The following ZFPM2 variants were observed in gnomAD, a reference collection of about 807,000 sequenced individuals.
The protein encoded by ZFPM2 is zinc finger protein ZFPM2.
Under a neutral mutation model 98.6 loss-of-function variants are expected in ZFPM2, and 20 were observed. That is an observed-to-expected ratio of 0.20 (90% CI 0.14 to 0.29). The LOEUF (loss-of-function observed/expected upper bound fraction) is 0.29. Among genes scored for constraint, ZFPM2 ranks in the 10% least tolerant of loss-of-function variants. The pLI, the probability that ZFPM2 is intolerant of heterozygous loss-of-function variation, is 1.00. For synonymous variants in ZFPM2, 518 were observed against 502.7 expected, an observed-to-expected ratio of 1.03 and a Z score of -0.41; for missense variants, 1,310 against 1,388.6, an observed-to-expected ratio of 0.94 and a Z score of 0.90.
At chr8:105,346,557 C>A (rs1423866405) in intron 1 of ZFPM2, among the ~76,000 whole-genome samples, 1 of 152,032 alleles carries the variant, frequency 6.6e-6, no homozygotes, top group Admixed American at 6.6e-5. Flanking sequence ...TATATGTGTG[C>A]AATACATATT....
At chr8:105,470,898 C>G (rs1812890246) in intron 3 of ZFPM2, among the ~76,000 whole-genome samples, 1 of 151,934 alleles carries the variant, frequency 6.6e-6, no homozygotes, top group African/African-American at 2.4e-5. Flanking sequence ...TTAAAAATTA[C>G]TAAATTCAAA....
rs550717864 is a variant in ZFPM2 at position 105,610,602 on chromosome 8, T to C, written c.421-23644T>C. ...TTGCATTAAACTCTCAAAGATGTTT[T>C]TGTTTTATATTGTATATTGGGGGCT... On this transcript the variant is annotated intron_variant, in intron 4 of 7. Coordinates refer to ENST00000407775, the MANE Select transcript of ZFPM2 (RefSeq NM_012082.4). 2.6e-5 allele frequency among the ~76,000 whole-genome samples: 4 copies of C among 152,330 alleles called. No homozygotes were observed. In the South Asian group the frequency reaches 8.3e-4, roughly 32 times the overall value.
chr8:105,706,742 G>C (rs1811272634), intron 5 of ZFPM2, among the ~76,000 whole-genome samples: 1 of 151,988 alleles, frequency 6.6e-6, no homozygotes, highest in Non-Finnish European at 1.5e-5. Flanking sequence ...ACCATGTCTG[G>C]CTAATTTTTG....
intron 5 of ZFPM2, among the ~76,000 whole-genome samples, chr8:105,751,394 A>T (rs1812471741): frequency 6.6e-6 from 1 of 152,118 alleles, no homozygotes; most frequent in Non-Finnish European, 1.5e-5. Flanking sequence ...GTCAGATTGT[A>T]ACGAATGTTT....
rs139795100 is a variant in ZFPM2 at position 105,450,089 on chromosome 8, T to C, written c.301+5708T>C. Among the ~76,000 whole-genome samples, 33 of 152,268 alleles carry C rather than the reference T, an allele frequency of 2.2e-4. No individual in the cohort carries two copies. In the East Asian group the frequency reaches 6.0e-3, roughly 28 times the overall value. ...CTAGGGCAAAATCAGACCTGTCTAC[T>C]TGTTGCATCTTGACTAAAAATTGGT... On this transcript the variant is annotated intron_variant, in intron 3 of 7. Transcript: ENST00000407775.
intron 3 of ZFPM2, among the ~76,000 whole-genome samples, chr8:105,544,366 C>T (rs1814646785): frequency 6.6e-6 from 1 of 152,106 alleles, no homozygotes; most frequent in African/African-American, 2.4e-5. Context: ...TCCTTACCCT[C>T]CCCTAATGAT....
chr8:105,487,921 TCTATCTATCTAG>T (rs1379597639), intron 3 of ZFPM2, among the ~76,000 whole-genome samples: 11 of 102,088 alleles, frequency 1.1e-4, no homozygotes, highest in African/African-American at 2.0e-4. Context: ...TATCTATCTA[TCTATCTATCTAG>T]CTAGCTAGCT....
At chr8:105,531,601 A>G (rs1179603123) in intron 3 of ZFPM2, among the ~76,000 whole-genome samples, 4 of 152,122 alleles carry the variant, frequency 2.6e-5, no homozygotes, top group Non-Finnish European at 5.9e-5. Context: ...AGGTATTGAG[A>G]GTTAGGATTT....
intron 3 of ZFPM2, among the ~76,000 whole-genome samples, chr8:105,448,477 T>G (rs568406388): frequency 2.2e-4 from 33 of 152,138 alleles, no homozygotes; most frequent in African/African-American, 6.7e-4. Context: ...TAAAAGCACT[T>G]GGGAGAAGTT....
chr8:105,794,010 C>A (rs1813709974), intron 6 of ZFPM2, among the ~76,000 whole-genome samples: 1 of 152,062 alleles, frequency 6.6e-6, no homozygotes, highest in Admixed American at 6.5e-5. Flanking sequence ...AACTTCTTTG[C>A]CTTTGGTTTT....
Position 105,444,349 on chromosome 8 carries a change from C to T in ZFPM2, c.269C>T (p.Pro90Leu), listed in dbSNP as rs200229868. 1.2e-6 allele frequency: 2 copies of T among 1,612,328 alleles called. No homozygotes were observed. Among genetic ancestry groups the T allele is most frequent in the African/African-American group, 2.7e-5 (2 of 75,022 alleles). The change falls in exon 3 of 8, where the codon CCT (proline) becomes CTT (leucine). Residue 90 changes from proline to leucine, a missense_variant. Transcript: ENST00000407775. ...ACACAGTCAGAGAAACCGGGGCAAC[C>T]TGGAGTTGAGACAGACGACTGGGAT... is the stretch of plus-strand genomic sequence containing the variant. ...GDTQSEKPGQ[P>L]GVETDDWDGP...
rs767103734 is a variant in ZFPM2 at position 105,495,574 on chromosome 8, A to G, written c.301+51193A>G. On this transcript the variant is annotated intron_variant, in intron 3 of 7. Coordinates refer to ENST00000407775, the MANE Select transcript of ZFPM2 (RefSeq NM_012082.4). The stretch of plus-strand genomic sequence containing the variant: ...GCTTGCTTGTTCCTGCCTTATAAAT[A>G]TCCATAGGTAGGAATTTATTTTATT... 1.9e-4 allele frequency among the ~76,000 whole-genome samples: 29 copies of G among 152,182 alleles called. 1 individual carries two copies. Among genetic ancestry groups the G allele is most frequent in the Non-Finnish European group, 3.5e-4 (24 of 68,024 alleles).
At chr8:105,774,820 A>G (rs867343542) in intron 5 of ZFPM2, among the ~76,000 whole-genome samples, 2 of 152,236 alleles carry the variant, frequency 1.3e-5, no homozygotes, top group Non-Finnish European at 2.9e-5. Context: ...ATTTCTTCTA[A>G]GAAAAGAATT....
intron 5 of ZFPM2, among the ~76,000 whole-genome samples, chr8:105,686,829 C>G (rs1164953205): frequency 6.6e-6 from 1 of 152,106 alleles, no homozygotes; most frequent in Non-Finnish European, 1.5e-5. Context: ...ACATCACATG[C>G]CTTTTAGTTT....
chr8:105,429,865 G>A (rs1448988326), intron 2 of ZFPM2, among the ~76,000 whole-genome samples: 1 of 152,060 alleles, frequency 6.6e-6, no homozygotes, highest in Non-Finnish European at 1.5e-5. Flanking sequence ...AAATTATGTA[G>A]TATGCATCTT....
At chr8:105,650,575 T>G (rs1350438697) in intron 5 of ZFPM2, among the ~76,000 whole-genome samples, 1 of 152,156 alleles carries the variant, frequency 6.6e-6, no homozygotes, top group Non-Finnish European at 1.5e-5. Flanking sequence ...TGGTATGTTG[T>G]GTCTTTGTTC....
At chr8:105,535,784 G>A (rs772702209) in intron 3 of ZFPM2, among the ~76,000 whole-genome samples, 9 of 152,174 alleles carry the variant, frequency 5.9e-5, no homozygotes, top group Non-Finnish European at 1.3e-4. Context: ...TCATAAGCAT[G>A]TTACATGGGA....
At chr8:105,653,698 A>G (rs749974585) in intron 5 of ZFPM2, among the ~76,000 whole-genome samples, 1 of 152,166 alleles carries the variant, frequency 6.6e-6, no homozygotes, top group Non-Finnish European at 1.5e-5. Context: ...TAACCTTGCT[A>G]CATAATGGTG....
At chr8:105,430,708 G>A (rs931024997) in intron 2 of ZFPM2, among the ~76,000 whole-genome samples, 4 of 152,126 alleles carry the variant, frequency 2.6e-5, no homozygotes, top group Non-Finnish European at 5.9e-5. Context: ...AATGCGTCTT[G>A]TGATAACTTA....
Sources: allele counts gnomAD v4.1 joint callset (sites outside exome capture counted in the v4.1 genomes callset), GRCh38; gene constraint gnomAD v4.1.1; transcripts MANE v1.5; gene names NCBI Gene and HGNC (gene_info 2026-07-23, HGNC 2026-07-21).